Variants in PGAP1 observed in about 807,000 individuals in gnomAD.
PGAP1 encodes GPI inositol-deacylase.
PGAP1 carries 76 observed loss-of-function variants against 127.0 expected under a neutral mutation model. The ratio of observed to expected loss-of-function variants is 0.60; its 90% CI spans 0.50 to 0.72. PGAP1 has a LOEUF of 0.72. Ranked by LOEUF, PGAP1 falls within the 30% of genes least tolerant of loss-of-function variation. The pLI is 0.00. For missense variants in PGAP1, 982 were observed against 1,071.3 expected, an observed-to-expected ratio of 0.92 and a Z score of 1.16; for synonymous variants, 362 against 366.5, an observed-to-expected ratio of 0.99 and a Z score of 0.14.
At chr2:196,894,110 C>G (rs1357630789) in intron 7 of PGAP1, among the ~76,000 whole-genome samples, 1 of 152,160 alleles carries the variant, frequency 6.6e-6, no homozygotes, top group East Asian at 1.9e-4. Context: ...TTATTTAGAG[C>G]AAATAACTGA....
rs931105037 is a variant in PGAP1 at position 196,839,179 on chromosome 2, T to C, written c.*2055A>G. 1.3e-5 allele frequency: 2 copies of C among 152,662 alleles called. No homozygotes were observed. Among genetic ancestry groups the C allele is most frequent in the Admixed American group, 1.3e-4 (2 of 15,282 alleles). 9.5% of individuals were successfully genotyped at this position (152,662 alleles called of 1,614,324 possible). A position where few individuals can be genotyped will look rare whatever the true frequency, so the allele number is the denominator to read the frequency against. ...TAAACATAATATTTATGGCTATCAA[T>C]AGAAGATCCAAATTAATGAATTTTC... On this transcript the variant is annotated 3_prime_UTR_variant, in exon 27 of 27. Transcript: ENST00000354764.
At chr2:196,874,888 T>G (rs1270974366) in intron 14 of PGAP1, among the ~76,000 whole-genome samples, 1 of 152,054 alleles carries the variant, frequency 6.6e-6, no homozygotes, top group Non-Finnish European at 1.5e-5. Flanking sequence ...TGGTGTCACA[T>G]GCCTGTAGTC....
In PGAP1 at chr2:196,839,318, T is replaced by C. The variant is rs971528959; in HGVS notation, c.*1916A>G. Reference sequence around the variant, plus strand: ...TCAGGTGACAGAATAAAAGACGCAATGTGTATCAAAGTTGTTTATAAGTAT... The same window carrying C: ...TCAGGTGACAGAATAAAAGACGCAACGTGTATCAAAGTTGTTTATAAGTAT... On this transcript the variant is annotated 3_prime_UTR_variant, in exon 27 of 27. Coordinates refer to ENST00000354764, the MANE Select transcript of PGAP1 (RefSeq NM_024989.4). The C allele has an allele frequency of 2.6e-5, 4 of 152,418 alleles. No homozygotes were observed. The highest frequency in any genetic ancestry group is 5.9e-5 in the Non-Finnish European group (4 of 68,022). 9.4% of individuals were successfully genotyped at this position (152,418 alleles called of 1,614,324 possible).
intron 12 of PGAP1, among the ~76,000 whole-genome samples, chr2:196,883,191 A>C (rs533029059): frequency 6.6e-6 from 1 of 152,178 alleles, no homozygotes; most frequent in Non-Finnish European, 1.5e-5. Flanking sequence ...TTCTGGAAGT[A>C]TGTGTGGGGT....
At chr2:196,852,379 C>A (rs1278122763) in intron 20 of PGAP1, among the ~76,000 whole-genome samples, 2 of 151,948 alleles carry the variant, frequency 1.3e-5, no homozygotes, top group East Asian at 3.9e-4. Context: ...TTAAGTAAAT[C>A]TTTAATAAAT....
chr2:196,892,312 A>C, intron 9 of PGAP1, 34 bp downstream of exon 9: 3 of 1,099,128 alleles, frequency 2.7e-6, no homozygotes, highest in Non-Finnish European at 4.0e-6. Flanking sequence ...TTCTGGAAAA[A>C]ACATGAAAAA....
chr2:196,873,818 G>T (rs1701477658), intron 14 of PGAP1, 60 bp from the exon 15 acceptor site: 3 of 1,132,316 alleles, frequency 2.6e-6, no homozygotes, highest in South Asian at 1.3e-5. Context: ...AAAACATACT[G>T]ATTATTTAAT....
intron 25 of PGAP1, among the ~76,000 whole-genome samples, 186 bp downstream of exon 25, chr2:196,843,702 T>C (rs569433511): frequency 2.6e-5 from 4 of 152,128 alleles, no homozygotes; most frequent in Admixed American, 1.3e-4. Flanking sequence ...GCACTCCACC[T>C]GGGCAACAAA....
rs143950991 is a variant in PGAP1 at position 196,879,077 on chromosome 2, T to G, written c.1350+999A>C. Reference sequence around the variant, plus strand: ...GCCATTTTGTTTTATTTTATTTCATTTTAAAAGTGGGGTCTCATTATGTTG... The same window carrying G: ...GCCATTTTGTTTTATTTTATTTCATGTTAAAAGTGGGGTCTCATTATGTTG... On this transcript the variant is annotated intron_variant, in intron 13 of 26. Coordinates refer to ENST00000354764, the MANE Select transcript of PGAP1 (RefSeq NM_024989.4). 2.0e-3 allele frequency among the ~76,000 whole-genome samples: 303 copies of G among 152,292 alleles called. 2 individuals carry two copies. The highest frequency in any genetic ancestry group is 6.8e-3 in the African/African-American group (283 of 41,552).
chr2:196,864,415 A>AAAAAAAAC (rs1188656265), intron 20 of PGAP1, among the ~76,000 whole-genome samples: 1 of 149,316 alleles, frequency 6.7e-6, no homozygotes, highest in African/African-American at 2.5e-5. Flanking sequence ...AAAAAAAAAA[A>AAAAAAAAC]GGCATTTGAT....
At chr2:196,876,299 T>G (rs935715967) in intron 13 of PGAP1, among the ~76,000 whole-genome samples, 1 of 152,118 alleles carries the variant, frequency 6.6e-6, no homozygotes, top group Non-Finnish European at 1.5e-5. Context: ...AAAAGCCTGC[T>G]GGAGAAATAC....
At position 196,836,896 on chromosome 2, in the gene PGAP1, C is replaced by T. The variant is rs975352187; in HGVS notation, c.*4338G>A. ...TAAATTTTACAAAGTATCTTGTTTCCTGTAATATACAAGTTCACAAATCCT... is the reference window on the plus strand; with the variant it reads ...TAAATTTTACAAAGTATCTTGTTTCTTGTAATATACAAGTTCACAAATCCT... On this transcript the variant is annotated 3_prime_UTR_variant, in exon 27 of 27. Coordinates refer to ENST00000354764, the MANE Select transcript of PGAP1 (RefSeq NM_024989.4). The T allele has an allele frequency of 6.6e-6, 1 of 152,090 alleles. No individual in the cohort carries two copies. Among genetic ancestry groups the T allele is most frequent in the African/African-American group, 2.4e-5 (1 of 41,422 alleles). 9.4% of individuals were successfully genotyped at this position (152,090 alleles called of 1,614,324 possible).
intron 24 of PGAP1, among the ~76,000 whole-genome samples, 165 bp downstream of exon 24, chr2:196,844,359 T>C (rs1700499446): frequency 6.6e-6 from 1 of 152,144 alleles, no homozygotes; most frequent in Non-Finnish European, 1.5e-5. Context: ...TGACAAAAGA[T>C]GAACTTATAA....
At chr2:196,873,661 T>A in intron 15 of PGAP1, 24 bp downstream of exon 15, 1 of 1,600,958 alleles carries the variant, frequency 6.2e-7, no homozygotes, top group Non-Finnish European at 8.6e-7. Flanking sequence ...TCAAATCCTT[T>A]TTCTTGTAGT....
intron 19 of PGAP1, among the ~76,000 whole-genome samples, chr2:196,866,099 C>CT (rs1701231968): frequency 6.6e-6 from 1 of 152,156 alleles, no homozygotes; most frequent in African/African-American, 2.4e-5. Flanking sequence ...CATTGTCTTT[C>CT]TTCACAGAAT....
At position 196,923,412 on chromosome 2, in the gene PGAP1, G is replaced by C. The variant is rs972276053; in HGVS notation, c.147+3058C>G. Among the ~76,000 whole-genome samples the C allele has an allele frequency of 5.3e-5, 8 of 152,016 alleles. No homozygotes were observed. The East Asian group carries it at 1.5e-3, about 29-fold the overall frequency. On this transcript the variant is annotated intron_variant, in intron 1 of 26. Coordinates refer to ENST00000354764, the MANE Select transcript of PGAP1 (RefSeq NM_024989.4). ...TTGGATGCTCTCCCTTATATGAAAA[G>C]CTCTGTACATACTCTCTTATTGTGA...
chr2:196,885,734 G>A (rs1161222136), intron 11 of PGAP1, 100 bp downstream of exon 11: 5 of 719,942 alleles, frequency 6.9e-6, no homozygotes, highest in Non-Finnish European at 1.0e-5. Flanking sequence ...ATTTCATATA[G>A]CATCAAAATG....
intron 19 of PGAP1, among the ~76,000 whole-genome samples, chr2:196,866,397 G>A (rs1384417995): frequency 1.3e-5 from 2 of 152,212 alleles, no homozygotes. Flanking sequence ...AATAAATGGT[G>A]TTGGGAAAAC....
intron 1 of PGAP1, among the ~76,000 whole-genome samples, chr2:196,921,555 T>G (rs902748822): frequency 6.6e-6 from 1 of 152,094 alleles, no homozygotes; most frequent in Admixed American, 6.6e-5. Flanking sequence ...CCCAATTTAG[T>G]ACACCATTAT....
Sources: allele counts gnomAD v4.1 joint callset (sites outside exome capture counted in the v4.1 genomes callset), GRCh38; gene constraint gnomAD v4.1.1; transcripts MANE v1.5; gene names NCBI Gene and HGNC (gene_info 2026-07-23, HGNC 2026-07-21).